The following OXR1 variants were observed in gnomAD, a reference collection of about 807,000 sequenced individuals.
OXR1 encodes oxidation resistance 1, also known as oxidation resistance protein 1.
Under a neutral mutation model 104.6 loss-of-function variants are expected in OXR1, and 41 were observed. The ratio of observed to expected loss-of-function variants is 0.39; its 90% CI spans 0.31 to 0.51. OXR1 has a LOEUF of 0.51. OXR1 is among the 20% of genes least tolerant of loss of function. The pLI, the probability that OXR1 is intolerant of heterozygous loss-of-function variation, is 0.77. For missense variants in OXR1, 955 were observed against 1,031.9 expected, an observed-to-expected ratio of 0.93 and a Z score of 1.02; for synonymous variants, 348 against 348.4, an observed-to-expected ratio of 1.00 and a Z score of 0.01.
At chr8:106,304,593 A>G (rs988280328) in intron 1 of OXR1, among the ~76,000 whole-genome samples, 1 of 151,164 alleles carries the variant, frequency 6.6e-6, no homozygotes, top group African/African-American at 2.4e-5. Flanking sequence ...ATCTAGCTCA[A>G]CGTGTCAAAA....
rs1205037979 is a variant in OXR1, at chr8:106,313,283, T to A, written c.-139+42916T>A. Among the ~76,000 whole-genome samples the A allele has an allele frequency of 2.0e-5, 3 of 152,236 alleles. No individual in the cohort carries two copies. The East Asian group carries it at 5.8e-4, about 29-fold the overall frequency. On this transcript the variant is annotated intron_variant, in intron 1 of 16. Transcript: ENST00000517566. Reference sequence around the variant, plus strand: ...ATGCCATTGAAACTACACATTCAACTTTGGGATTTTAAAAATTCTCTAAAT... The same window carrying A: ...ATGCCATTGAAACTACACATTCAACATTGGGATTTTAAAAATTCTCTAAAT...
At chr8:106,403,761 T>C (rs553002251) in intron 2 of OXR1, among the ~76,000 whole-genome samples, 1 of 152,322 alleles carries the variant, frequency 6.6e-6, no homozygotes, top group Admixed American at 6.5e-5. Flanking sequence ...CTTTTCCAAC[T>C]TTATGTTCCT....
chr8:106,293,529 C>A (rs909172428), intron 1 of OXR1, among the ~76,000 whole-genome samples: 13 of 152,168 alleles, frequency 8.5e-5, no homozygotes, highest in Non-Finnish European at 1.5e-5. Flanking sequence ...CTTTGTGGAG[C>A]AATGCCTTCT....
intron 1 of OXR1, among the ~76,000 whole-genome samples, chr8:106,344,211 A>C (rs977350849): frequency 2.0e-5 from 3 of 152,136 alleles, no homozygotes; most frequent in Admixed American, 6.5e-5. Context: ...TGGGGTGGAG[A>C]TGTTAAGTCC....
Position 106,744,335 on chromosome 8 carries a change from A to G in OXR1, c.2413-1454A>G, listed in dbSNP as rs1169825629. 3.9e-5 allele frequency among the ~76,000 whole-genome samples: 6 copies of G among 152,192 alleles called. No individual in the cohort carries two copies. The East Asian group carries it at 1.2e-3, about 29-fold the overall frequency. On this transcript the variant is annotated intron_variant, in intron 15 of 16. Transcript: ENST00000517566. The stretch of plus-strand genomic sequence containing the variant: ...GGTAACTTTTCTTTGACCATTTTGA[A>G]CTTCAACTTTCCTGTAGATAGAATG...
At chr8:106,294,252 C>T (rs550128213) in intron 1 of OXR1, among the ~76,000 whole-genome samples, 4 of 151,462 alleles carry the variant, frequency 2.6e-5, no homozygotes, top group East Asian at 1.9e-4. Flanking sequence ...AACAATTAGC[C>T]GGGTGTGGTG....
chr8:106,532,484 T>A (rs1586768909), intron 3 of OXR1, among the ~76,000 whole-genome samples: 1 of 152,286 alleles, frequency 6.6e-6, no homozygotes, highest in East Asian at 1.9e-4. Context: ...ATTTGTAATA[T>A]AAGATAATGT....
At chr8:106,294,825 T>C (rs1420148654) in intron 1 of OXR1, among the ~76,000 whole-genome samples, 1 of 152,180 alleles carries the variant, frequency 6.6e-6, no homozygotes, top group African/African-American at 2.4e-5. Flanking sequence ...AGCAAACCCT[T>C]ACTTGTTCTT....
intron 11 of OXR1, among the ~76,000 whole-genome samples, chr8:106,733,526 C>A (rs769903009): frequency 2.0e-5 from 3 of 152,054 alleles, no homozygotes; most frequent in Non-Finnish European, 4.4e-5. Context: ...ATTCCATATT[C>A]TTTCATCTCT....
intron 2 of OXR1, among the ~76,000 whole-genome samples, chr8:106,495,526 T>G (rs1171619600): frequency 6.6e-6 from 1 of 152,196 alleles, no homozygotes; most frequent in East Asian, 1.9e-4. Context: ...GAATTTTGAG[T>G]GCAAAAAGCA....
At chr8:106,384,625 T>G (rs1306486123) in intron 2 of OXR1, among the ~76,000 whole-genome samples, 2 of 152,166 alleles carry the variant, frequency 1.3e-5, no homozygotes, top group Non-Finnish European at 2.9e-5. Flanking sequence ...GCTCCTTTTA[T>G]TTTCTTTTCT....
chr8:106,350,736 AT>A (rs1334049385), intron 1 of OXR1, among the ~76,000 whole-genome samples: 4 of 152,234 alleles, frequency 2.6e-5, no homozygotes, highest in Non-Finnish European at 5.9e-5. Context: ...TTAAGCATTT[AT>A]TTGGGATACA....
intron 2 of OXR1, among the ~76,000 whole-genome samples, chr8:106,428,797 C>T (rs1819239070): frequency 6.6e-6 from 1 of 151,984 alleles, no homozygotes; most frequent in Non-Finnish European, 1.5e-5. Flanking sequence ...TTAAAAACAA[C>T]TTAGCACGTA....
chr8:106,351,087 A>T (rs1257570458), intron 1 of OXR1, among the ~76,000 whole-genome samples: 1 of 152,212 alleles, frequency 6.6e-6, no homozygotes, highest in Non-Finnish European at 1.5e-5. Flanking sequence ...AAATTAAAGA[A>T]ATGGTATTTT....
At chr8:106,574,912 CAACT>C (rs1347986218) in intron 3 of OXR1, among the ~76,000 whole-genome samples, 1 of 152,152 alleles carries the variant, frequency 6.6e-6, no homozygotes, top group Non-Finnish European at 1.5e-5. Flanking sequence ...AGATGACAAT[CAACT>C]ACAATTCCGT....
At chr8:106,593,151 T>G (rs1447765282) in intron 3 of OXR1, among the ~76,000 whole-genome samples, 1 of 152,172 alleles carries the variant, frequency 6.6e-6, no homozygotes, top group Non-Finnish European at 1.5e-5. Flanking sequence ...TGTCCTAGGA[T>G]ATCTGTTATT....
intron 2 of OXR1, among the ~76,000 whole-genome samples, chr8:106,498,881 G>GTTTAAATGTTATATCCTGTTTTCCTT (rs1586724963): frequency 1.3e-4 from 11 of 84,968 alleles, no homozygotes; most frequent in South Asian, 3.0e-4. Flanking sequence ...ATTAGGAGAT[G>GTTTAAATGTTATATCCTGTTTTCCTT]GCCGGGCGCG....
intron 3 of OXR1, among the ~76,000 whole-genome samples, chr8:106,558,413 T>C (rs1407287061): frequency 6.6e-6 from 1 of 152,198 alleles, no homozygotes; most frequent in Non-Finnish European, 1.5e-5. Flanking sequence ...CTCTAGTTCC[T>C]AGATAATCAG....
intron 8 of OXR1, among the ~76,000 whole-genome samples, chr8:106,704,653 C>T (rs1159512243): frequency 2.6e-5 from 4 of 151,860 alleles, no homozygotes; most frequent in African/African-American, 9.7e-5. Context: ...TGGCGTAGGC[C>T]TGCCAAAGTG....
Sources: gnomAD v4.1 joint callset for allele counts (sites outside exome capture counted in the v4.1 genomes callset) on GRCh38, gnomAD v4.1.1 for gene constraint, MANE v1.5 for transcripts, NCBI Gene and HGNC (gene_info 2026-07-23, HGNC 2026-07-21) for gene names.